Variants in RSU1 observed in about 807,000 individuals in gnomAD.
RSU1 encodes Ras suppressor protein 1.
In RSU1, 26 loss-of-function variants were observed where a neutral mutation model predicts 31.1. The observed-to-expected ratio is 0.84, with a 90% CI of 0.61 to 1.16. The LOEUF is 1.16. Among genes scored for constraint, RSU1 ranks in the 50% most tolerant of loss-of-function variants. RSU1 has a pLI of 0.00. For missense variants in RSU1, 320 were observed against 339.1 expected, an observed-to-expected ratio of 0.94 and a Z score of 0.44; for synonymous variants, 164 against 136.3, an observed-to-expected ratio of 1.20 and a Z score of -1.41.
chr10:16,728,435 G>A (rs749350376), intron 7 of RSU1, among the ~76,000 whole-genome samples: 1 of 152,180 alleles, frequency 6.6e-6, no homozygotes, highest in Admixed American at 6.5e-5. Flanking sequence ...ATCAGGATCA[G>A]GAAGTGAGGC....
chr10:16,810,748 TTAA>T (rs1202319197), intron 2 of RSU1, among the ~76,000 whole-genome samples: 1 of 152,170 alleles, frequency 6.6e-6, no homozygotes, highest in African/African-American at 2.4e-5. Context: ...CATGCACCGC[TTAA>T]TAATGTTTCA....
chr10:16,789,490 C>A (rs1344708808), intron 2 of RSU1, among the ~76,000 whole-genome samples: 1 of 152,218 alleles, frequency 6.6e-6, no homozygotes, highest in Non-Finnish European at 1.5e-5. Context: ...CAAGTGGAGA[C>A]AGACATATTT....
intron 8 of RSU1, among the ~76,000 whole-genome samples, chr10:16,633,460 G>GA (rs997357179): frequency 1.0e-4 from 15 of 150,488 alleles, no homozygotes; most frequent in East Asian, 7.8e-4. Flanking sequence ...CTGGGGAGAG[G>GA]AAAAAAAAAC....
At chr10:16,791,979 A>T (rs935726408) in intron 2 of RSU1, among the ~76,000 whole-genome samples, 10 of 152,180 alleles carry the variant, frequency 6.6e-5, no homozygotes, top group African/African-American at 2.4e-4. Flanking sequence ...ACAGAATGGC[A>T]CTTACATCCA....
intron 2 of RSU1, among the ~76,000 whole-genome samples, chr10:16,810,652 A>C (rs369456977): frequency 6.6e-6 from 1 of 152,330 alleles, no homozygotes; most frequent in East Asian, 1.9e-4. Flanking sequence ...GACCACTGAG[A>C]AGTACCATCA....
At chr10:16,810,003 G>T (rs1215920701) in intron 2 of RSU1, among the ~76,000 whole-genome samples, 12 of 144,082 alleles carry the variant, frequency 8.3e-5, no homozygotes, top group Non-Finnish European at 1.8e-4. Flanking sequence ...GGGGGGGGGA[G>T]GTGAATCACC....
intron 2 of RSU1, among the ~76,000 whole-genome samples, chr10:16,801,808 T>G (rs371714474): frequency 6.6e-6 from 1 of 152,066 alleles, no homozygotes; most frequent in East Asian, 1.9e-4. Context: ...GTCAAAAAAT[T>G]TTTAAAAATA....
intron 8 of RSU1, among the ~76,000 whole-genome samples, chr10:16,657,529 G>T (rs1389705029): frequency 7.5e-6 from 1 of 133,108 alleles, no homozygotes; most frequent in East Asian, 2.2e-4. Flanking sequence ...AATCATACTA[G>T]AAAAAAAAAA....
chr10:16,679,912 C>G (rs1835298599), intron 8 of RSU1, among the ~76,000 whole-genome samples: 1 of 139,448 alleles, frequency 7.2e-6, no homozygotes, highest in East Asian at 2.2e-4. Flanking sequence ...GACAGAGTCT[C>G]ACTCTGTTGC....
intron 8 of RSU1, among the ~76,000 whole-genome samples, chr10:16,659,637 T>C (rs979054573): frequency 1.3e-5 from 2 of 152,222 alleles, no homozygotes; most frequent in African/African-American, 2.4e-5. Context: ...CCAGGCTGTC[T>C]TCGTTATTAT....
chr10:16,789,431 G>A (rs1291899506), intron 2 of RSU1, among the ~76,000 whole-genome samples: 1 of 152,176 alleles, frequency 6.6e-6, no homozygotes, highest in African/African-American at 2.4e-5. Flanking sequence ...GGAAGGCAGT[G>A]AAGCTGAAAG....
At chr10:16,630,361 T>C (rs1384385484) in intron 8 of RSU1, among the ~76,000 whole-genome samples, 1 of 152,250 alleles carries the variant, frequency 6.6e-6, no homozygotes, top group African/African-American at 2.4e-5. Context: ...GTGTTCTTTC[T>C]CCACTAATAT....
intron 8 of RSU1, among the ~76,000 whole-genome samples, chr10:16,621,388 C>T (rs1026204936): frequency 7.9e-5 from 12 of 152,120 alleles, no homozygotes; most frequent in African/African-American, 2.2e-4. Flanking sequence ...CTCTGTTTCC[C>T]GTACCCAGCC....
chr10:16,694,168 A>C (rs1835626662), intron 8 of RSU1, among the ~76,000 whole-genome samples: 1 of 152,168 alleles, frequency 6.6e-6, no homozygotes, highest in African/African-American at 2.4e-5. Flanking sequence ...TTTTTGGGAC[A>C]GTTTTGCATA....
intron 2 of RSU1, among the ~76,000 whole-genome samples, chr10:16,789,371 C>A (rs1278893502): frequency 6.6e-6 from 1 of 152,172 alleles, no homozygotes. Flanking sequence ...AATAAAAGAT[C>A]TTTGAGAAAA....
chr10:16,794,698 A>G lies in RSU1; in HGVS notation c.110-12614T>C, dbSNP rs556004699. 2.0e-5 allele frequency among the ~76,000 whole-genome samples: 3 copies of G among 152,364 alleles called. No individual in the cohort carries two copies. The East Asian group carries it at 5.8e-4, about 29-fold the overall frequency. On this transcript the variant is annotated intron_variant, in intron 2 of 8. Coordinates refer to ENST00000345264, the MANE Select transcript of RSU1 (RefSeq NM_012425.4). ...AACAGAGTACAATCAAGGTTTCCAG[A>G]TTCTAAATCTTGAGCTTCTTCTTTG...
intron 8 of RSU1, among the ~76,000 whole-genome samples, chr10:16,628,602 G>A (rs1003383661): frequency 4.6e-5 from 7 of 152,180 alleles, no homozygotes; most frequent in African/African-American, 1.7e-4. Flanking sequence ...ATTTGTTAAT[G>A]CATGCTGTAT....
At chr10:16,616,387 AAAAAAAAAC>A (rs1216938963) in intron 8 of RSU1, among the ~76,000 whole-genome samples, 4 of 135,014 alleles carry the variant, frequency 3.0e-5, no homozygotes, top group African/African-American at 9.0e-5. Context: ...AAAAAAAAAA[AAAAAAAAAC>A]CCCAGGACCA....
At chr10:16,626,764 A>C (rs1379456081) in intron 8 of RSU1, among the ~76,000 whole-genome samples, 1 of 152,180 alleles carries the variant, frequency 6.6e-6, no homozygotes, top group African/African-American at 2.4e-5. Flanking sequence ...TTGGAAATCT[A>C]TAGGGCAGTT....
Sources: gnomAD v4.1 joint callset for allele counts (sites outside exome capture counted in the v4.1 genomes callset) on GRCh38, gnomAD v4.1.1 for gene constraint, MANE v1.5 for transcripts, NCBI Gene and HGNC (gene_info 2026-07-23, HGNC 2026-07-21) for gene names.